The following SEMA6D variants were observed in gnomAD, a reference collection of about 807,000 sequenced individuals.
The protein encoded by SEMA6D is semaphorin-6D.
Under a neutral mutation model 106.6 loss-of-function variants are expected in SEMA6D, and 35 were observed. The ratio of observed to expected loss-of-function variants is 0.33; its 90% CI spans 0.25 to 0.44. The LOEUF (loss-of-function observed/expected upper bound fraction) is 0.44. Among genes scored for constraint, SEMA6D ranks in the 20% least tolerant of loss-of-function variants. The pLI, the probability that SEMA6D is intolerant of heterozygous loss-of-function variation, is 1.00. For synonymous variants in SEMA6D, 499 were observed against 487.7 expected, an observed-to-expected ratio of 1.02 and a Z score of -0.31; for missense variants, 1,185 against 1,345.9, an observed-to-expected ratio of 0.88 and a Z score of 1.87.
intron 4 of SEMA6D, among the ~76,000 whole-genome samples, chr15:47,612,406 G>A (rs1036904657): frequency 2.0e-5 from 3 of 152,134 alleles, no homozygotes; most frequent in Non-Finnish European, 2.9e-5. Context: ...TTCTTCCTTT[G>A]GGGCAAAGTT....
Position 47,771,405 on chromosome 15 carries a change from C to G in SEMA6D, c.2842C>G (p.Pro948Ala). The G allele has an allele frequency of 6.2e-7, 1 of 1,614,046 alleles. No homozygotes were observed. The highest frequency in any genetic ancestry group is 8.5e-7 in the Non-Finnish European group (1 of 1,179,980). The change falls in exon 19 of 19, where the codon CCC becomes GCC. Residue 948 changes from proline (P) to alanine (A), a missense_variant. Physicochemically the swap from Pro to Ala is conservative, Grantham distance 27. Around this residue, in one of 3 missense-constraint regions of SEMA6D, gnomAD observed 750 missense variants for 783.5 expected, o/e 0.96. Coordinates refer to ENST00000536845, the MANE Select transcript of SEMA6D (RefSeq NM_001358351.3). ...TAGCCCAACCAAGCGAGTGGATGTC[C>G]CCACCACTCCTGGAGTCCCAATGAC... is the stretch of plus-strand genomic sequence containing the variant. ...RNSPTKRVDV[P>A]TTPGVPMTSL...
At chr15:47,331,404 GCTTA>G (rs2037334707) in intron 1 of SEMA6D, among the ~76,000 whole-genome samples, 2 of 152,074 alleles carry the variant, frequency 1.3e-5, no homozygotes, top group South Asian at 2.1e-4. Context: ...ATTATGAACA[GCTTA>G]CTTAAGTAAA....
intron 1 of SEMA6D, among the ~76,000 whole-genome samples, chr15:47,743,785 A>G (rs2147113786): frequency 6.6e-6 from 1 of 152,234 alleles, no homozygotes; most frequent in African/African-American, 2.4e-5. Context: ...CCATGCCCGA[A>G]ATTTAGGGGG....
chr15:47,730,631 GGTCT>G, intron 1 of SEMA6D: 1 of 1,584,380 alleles, frequency 6.3e-7, no homozygotes, highest in Non-Finnish European at 8.7e-7. Context: ...CTTTGTCTCT[GGTCT>G]GTACTTGTGG....
Position 47,771,541 on chromosome 15 carries a change from C to G in SEMA6D, c.2978C>G (p.Pro993Arg), listed in dbSNP as rs775908927. Residue 993 changes from proline (P) to arginine (R), a missense_variant, in exon 19 of 19, where the codon CCT (proline) becomes CGT (arginine). Transcript: ENST00000536845. ...SPNGVLLSRQ[P>R]SMNRGGYMPT... ...AATGGTGTTTTGTTATCCAGACAGC[C>G]TAGTATGAACCGTGGAGGATATATG... 6.2e-7 allele frequency: 1 copy of G among 1,614,082 alleles called. No individual in the cohort carries two copies. The highest frequency in any genetic ancestry group is 1.7e-5 in the Admixed American group (1 of 60,006).
intron 1 of SEMA6D, among the ~76,000 whole-genome samples, chr15:47,741,070 A>G (rs940824961): frequency 6.6e-6 from 1 of 152,234 alleles, no homozygotes; most frequent in Non-Finnish European, 1.5e-5. Flanking sequence ...AATAACAATC[A>G]TAAAATCAAG....
intron 3 of SEMA6D, among the ~76,000 whole-genome samples, chr15:47,500,761 T>TA (rs377345826): frequency 6.2e-4 from 94 of 152,232 alleles, no homozygotes; most frequent in African/African-American, 2.1e-3. Context: ...AACTAATAGA[T>TA]AAAAAAATAG....
At chr15:47,611,148 T>TACACACACACACACACAC (rs71432248) in intron 4 of SEMA6D, among the ~76,000 whole-genome samples, 1 of 141,562 alleles carries the variant, frequency 7.1e-6, no homozygotes, top group African/African-American at 2.6e-5. Context: ...CCGTCCTACA[T>TACACACACACACACACAC]ACACACACAC....
At chr15:47,388,370 A>G (rs8032333) in intron 1 of SEMA6D, among the ~76,000 whole-genome samples, 33,375 of 152,032 alleles carry the variant, frequency 0.22, 3,949 homozygotes, top group Middle Eastern at 0.33. Flanking sequence ...CAAAAATATG[A>G]AATGGAAAAT....
In SEMA6D at chr15:47,422,180, G is replaced by GCCTGCCTGCCTGCCTTCCTTCCTTCCTT. The variant is rs1455030787; in HGVS notation, c.-159+9711_-159+9712insGCCTGCCTGCCTTCCTTCCTTCCTTCCT. On this transcript the variant is annotated intron_variant, in intron 2 of 19. Transcript: ENST00000558014. Reference sequence around the variant, plus strand: ...TTATTTTTTGCCCGCCCGCCTGCCTGCCTTCCTTCCTTCCTTCCTTCCTTC... The same window carrying GCCTGCCTGCCTGCCTTCCTTCCTTCCTT: ...TTATTTTTTGCCCGCCCGCCTGCCTGCCTGCCTGCCTGCCTTCCTTCCTTCCTTCCTTCCTTCCTTCCTTCCTTCCTTC... Among the ~76,000 whole-genome samples the GCCTGCCTGCCTGCCTTCCTTCCTTCCTT allele has an allele frequency of 5.9e-4, 67 of 112,862 alleles. 1 individual carries two copies. The highest frequency in any genetic ancestry group is 4.0e-3 in the East Asian group (13 of 3,250). 74.0% of individuals were successfully genotyped at this position (112,862 alleles called of 152,430 possible).
chr15:47,505,126 G>T (rs750595508), intron 3 of SEMA6D, among the ~76,000 whole-genome samples: 1 of 152,094 alleles, frequency 6.6e-6, no homozygotes, highest in Non-Finnish European at 1.5e-5. Flanking sequence ...AGTTAGATCT[G>T]TGGTTTTGGG....
intron 1 of SEMA6D, among the ~76,000 whole-genome samples, chr15:47,254,288 T>C (rs1421626888): frequency 1.4e-5 from 2 of 143,918 alleles, no homozygotes; most frequent in African/African-American, 5.1e-5. Context: ...TATGAGTGTG[T>C]ATATATAGAT....
chr15:47,365,578 G>T (rs536463440), intron 1 of SEMA6D, among the ~76,000 whole-genome samples: 1 of 152,008 alleles, frequency 6.6e-6, no homozygotes, highest in Non-Finnish European at 1.5e-5. Context: ...AACAGAATCC[G>T]GGCCGGGCAT....
chr15:47,220,121 G>T (rs867826279), intron 1 of SEMA6D, among the ~76,000 whole-genome samples: 1 of 152,184 alleles, frequency 6.6e-6, no homozygotes, highest in African/African-American at 2.4e-5. Flanking sequence ...AAAACAAGTT[G>T]CAGGGCCATT....
intron 1 of SEMA6D, among the ~76,000 whole-genome samples, chr15:47,740,272 G>C (rs1370979299): frequency 6.6e-6 from 1 of 152,158 alleles, no homozygotes; most frequent in Non-Finnish European, 1.5e-5. Context: ...TGTAATCCCA[G>C]CACTTTGGGA....
chr15:47,413,930 A>G (rs373957440), intron 2 of SEMA6D, among the ~76,000 whole-genome samples: 26 of 152,276 alleles, frequency 1.7e-4, no homozygotes, highest in African/African-American at 5.3e-4. Context: ...TGAATTTCTG[A>G]AGGATGTATT....
intron 4 of SEMA6D, among the ~76,000 whole-genome samples, chr15:47,621,390 T>C (rs2077096861): frequency 2.0e-5 from 3 of 152,184 alleles, no homozygotes; most frequent in Admixed American, 2.0e-4. Context: ...GATTTTTTTT[T>C]TTAATTTTAG....
At chr15:47,535,578 C>A (rs1260295865) in intron 3 of SEMA6D, among the ~76,000 whole-genome samples, 1 of 151,770 alleles carries the variant, frequency 6.6e-6, no homozygotes, top group Non-Finnish European at 1.5e-5. Context: ...AGCTAGTTAC[C>A]TTAGGGGAGT....
intron 1 of SEMA6D, among the ~76,000 whole-genome samples, chr15:47,324,006 T>C (rs1211864104): frequency 6.6e-6 from 1 of 151,004 alleles, no homozygotes; most frequent in Non-Finnish European, 1.5e-5. Flanking sequence ...AAAAATCCAA[T>C]GATAAAACTG....
Sources: allele counts gnomAD v4.1 joint callset (sites outside exome capture counted in the v4.1 genomes callset), GRCh38; gene constraint gnomAD v4.1.1; regional missense constraint gnomAD v4.1.1; transcripts MANE v1.5; gene names NCBI Gene and HGNC (gene_info 2026-07-23, HGNC 2026-07-21).